GRM1: variants seen among roughly 807,000 people sequenced by gnomAD.
GRM1 encodes glutamate metabotropic receptor 1.
In GRM1, 33 loss-of-function variants were observed where a neutral mutation model predicts 90.9. That is an observed-to-expected ratio of 0.36 (90% confidence interval 0.28 to 0.49). The LOEUF is 0.49. Ranked by LOEUF, GRM1 falls within the 20% of genes least tolerant of loss-of-function variation. The pLI is 0.99. For synonymous variants in GRM1, 700 were observed against 613.2 expected (o/e 1.14, Z -2.09); for missense variants, 1,190 against 1,534.3 (o/e 0.78, Z 3.75).
At chr6:146,352,625 A>G in intron 4 of GRM1, 129 bp downstream of exon 4, 2 of 880,692 alleles carry the variant, frequency 2.3e-6, no homozygotes, top group South Asian at 2.6e-5. Context: ...GGTAGCAAAA[A>G]GTCCAGGGAT....
chr6:146,323,677 C>G (rs1784291210), intron 3 of GRM1, among the ~76,000 whole-genome samples: 1 of 152,084 alleles, frequency 6.6e-6, no homozygotes, highest in African/African-American at 2.4e-5. Context: ...ATGCCCATGT[C>G]CTGAATGGTA....
chr6:146,072,674 T>C (rs1776053747), intron 1 of GRM1, among the ~76,000 whole-genome samples: 1 of 152,146 alleles, frequency 6.6e-6, no homozygotes, highest in Non-Finnish European at 1.5e-5. Flanking sequence ...ATATGGGGAT[T>C]ATTAATTTAT....
At chr6:146,168,271 G>A (rs886146852) in intron 2 of GRM1, among the ~76,000 whole-genome samples, 5 of 151,828 alleles carry the variant, frequency 3.3e-5, no homozygotes, top group African/African-American at 4.8e-5. Flanking sequence ...TTTATGAATA[G>A]TTGATCTAGG....
intron 1 of GRM1, among the ~76,000 whole-genome samples, chr6:146,111,232 G>T (rs1376160375): frequency 6.6e-6 from 1 of 152,128 alleles, no homozygotes; most frequent in Non-Finnish European, 1.5e-5. Flanking sequence ...AAGATTTTAT[G>T]GGGAAAAAAA....
chr6:146,123,714 C>T (rs1311377285), intron 1 of GRM1, among the ~76,000 whole-genome samples: 8 of 152,114 alleles, frequency 5.3e-5, no homozygotes, highest in African/African-American at 1.9e-4. Flanking sequence ...TCCCTCATGT[C>T]TTTTCAATGC....
intron 2 of GRM1, among the ~76,000 whole-genome samples, chr6:146,282,895 C>T (rs1235078421): frequency 1.3e-5 from 2 of 152,048 alleles, no homozygotes; most frequent in African/African-American, 4.8e-5. Flanking sequence ...CATTTAACAC[C>T]CTCATTCCAG....
At chr6:146,211,890 AGAGAATCATTAG>A (rs1408332073) in intron 2 of GRM1, among the ~76,000 whole-genome samples, 4 of 152,198 alleles carry the variant, frequency 2.6e-5, no homozygotes, top group Admixed American at 1.3e-4. Flanking sequence ...AACCAGAGAA[AGAGAATCATTAG>A]GAGAGGTACA....
At chr6:146,078,957 G>A (rs780060930) in intron 1 of GRM1, among the ~76,000 whole-genome samples, 27 of 152,176 alleles carry the variant, frequency 1.8e-4, no homozygotes, top group Non-Finnish European at 3.5e-4. Context: ...GAGTTTATTG[G>A]GCAAAAAGGA....
chr6:146,121,524 T>A (rs1775989337), intron 1 of GRM1, among the ~76,000 whole-genome samples: 1 of 152,190 alleles, frequency 6.6e-6, no homozygotes, highest in South Asian at 2.1e-4. Flanking sequence ...TTAATTGTGA[T>A]GTTAGGGTGT....
At chr6:146,072,724 T>A (rs1260022715) in intron 1 of GRM1, among the ~76,000 whole-genome samples, 1 of 152,118 alleles carries the variant, frequency 6.6e-6, no homozygotes, top group East Asian at 1.9e-4. Context: ...GGTGAAAGAA[T>A]TAATTATAAA....
chr6:146,171,330 G>A (rs9485052), intron 2 of GRM1: 37,785 of 152,200 alleles, frequency 0.25, 8,193 homozygotes, highest in African/African-American at 0.59. Flanking sequence ...GCAACTGCAC[G>A]CCACTCTGCA....
chr6:146,132,181 C>T (rs141139713), intron 1 of GRM1, among the ~76,000 whole-genome samples: 2 of 152,194 alleles, frequency 1.3e-5, no homozygotes, highest in Admixed American at 6.5e-5. Flanking sequence ...CAGGGGAAAC[C>T]ACTAAAGAGA....
At chr6:146,216,263 T>C (rs552612918) in intron 2 of GRM1, among the ~76,000 whole-genome samples, 2 of 152,298 alleles carry the variant, frequency 1.3e-5, no homozygotes, top group South Asian at 2.1e-4. Context: ...TTATCAACTG[T>C]AGAGACTGAA....
At chr6:146,263,329 T>A (rs1253417895) in intron 2 of GRM1, among the ~76,000 whole-genome samples, 1 of 151,998 alleles carries the variant, frequency 6.6e-6, no homozygotes, top group African/African-American at 2.4e-5. Flanking sequence ...AATCACTGAA[T>A]GTGAAATTAT....
intron 1 of GRM1, among the ~76,000 whole-genome samples, chr6:146,136,868 T>C (rs1483243775): frequency 2.0e-5 from 3 of 148,742 alleles, no homozygotes; most frequent in Admixed American, 2.0e-4. Context: ...TTTTTTTTTT[T>C]TTGAGACAGA....
intron 2 of GRM1, among the ~76,000 whole-genome samples, chr6:146,199,154 T>C (rs1779217391): frequency 6.6e-6 from 1 of 152,216 alleles, no homozygotes; most frequent in African/African-American, 2.4e-5. Flanking sequence ...AGTGTATTCC[T>C]GATAGTGGCT....
At chr6:146,064,790 CAAA>C (rs1243017242) in intron 1 of GRM1, among the ~76,000 whole-genome samples, 3 of 81,988 alleles carry the variant, frequency 3.7e-5, no homozygotes, top group Admixed American at 1.4e-4. Flanking sequence ...GACTCAGTCT[CAAA>C]AAAAAAAAAA....
intron 2 of GRM1, among the ~76,000 whole-genome samples, chr6:146,174,230 T>C (rs1311391875): frequency 6.6e-6 from 1 of 152,210 alleles, no homozygotes; most frequent in East Asian, 1.9e-4. Flanking sequence ...GAAATTGCTA[T>C]AGGCATTTTT....
intron 7 of GRM1, among the ~76,000 whole-genome samples, chr6:146,427,695 A>G (rs1019039542): frequency 6.6e-6 from 1 of 152,216 alleles, no homozygotes; most frequent in Admixed American, 6.5e-5. Context: ...AAGAACAAAT[A>G]TGGTAGTCCT....
Sources: gnomAD v4.1 joint callset for allele counts (sites outside exome capture counted in the v4.1 genomes callset) on GRCh38, gnomAD v4.1.1 for gene constraint, MANE v1.5 for transcripts, NCBI Gene and HGNC (gene_info 2026-07-23, HGNC 2026-07-21) for gene names.